Variants in ANO4 observed in about 807,000 individuals in gnomAD.
The protein encoded by ANO4 is anoctamin-4.
A neutral mutation model predicts 141.9 loss-of-function variants in ANO4; 69 were observed. The ratio of observed to expected loss-of-function variants is 0.49; its 90% CI spans 0.40 to 0.59. The LOEUF is 0.59. Ranked by LOEUF, ANO4 falls within the 20% of genes least tolerant of loss-of-function variation. The pLI, the probability that ANO4 is intolerant of heterozygous loss-of-function variation, is 0.00. For synonymous variants in ANO4, 350 were observed against 394.3 expected (o/e 0.89, Z 1.33); for missense variants, 894 against 1,162.2 (o/e 0.77, Z 3.36).
chr12:100,798,772 C>G (rs1218685742), intron 1 of ANO4, among the ~76,000 whole-genome samples: 1 of 152,208 alleles, frequency 6.6e-6, no homozygotes, highest in Non-Finnish European at 1.5e-5. Flanking sequence ...TCCAGTCAGG[C>G]TGTTTGCTCT....
intron 3 of ANO4, among the ~76,000 whole-genome samples, chr12:100,757,530 G>T (rs1163090807): frequency 1.3e-5 from 2 of 152,144 alleles, no homozygotes; most frequent in South Asian, 2.1e-4. Context: ...GATTGTGAAG[G>T]CCTTGGATAC....
At chr12:101,078,903 C>T (rs2049132384) in intron 14 of ANO4, among the ~76,000 whole-genome samples, 1 of 152,128 alleles carries the variant, frequency 6.6e-6, no homozygotes. Flanking sequence ...TCCTGACATC[C>T]CAGAATGTAA....
chr12:100,977,339 A>C (rs1592902207), intron 7 of ANO4, among the ~76,000 whole-genome samples: 1 of 151,992 alleles, frequency 6.6e-6, no homozygotes, highest in Admixed American at 6.6e-5. Context: ...CATTTTCTCC[A>C]TTTATATTCT....
chr12:100,757,955 A>G (rs10745894), intron 3 of ANO4, among the ~76,000 whole-genome samples: 44,180 of 152,034 alleles, frequency 0.29, 6,790 homozygotes, highest in Middle Eastern at 0.35. Flanking sequence ...TCCTTCAAGG[A>G]CTGTGGATTT....
At chr12:101,018,671 C>T (rs1003223087) in intron 8 of ANO4, among the ~76,000 whole-genome samples, 8 of 152,144 alleles carry the variant, frequency 5.3e-5, no homozygotes, top group African/African-American at 1.9e-4. Flanking sequence ...ATTACCATGA[C>T]CCTCACATAC....
chr12:100,830,594 A>G (rs1341537988), intron 1 of ANO4, among the ~76,000 whole-genome samples: 1 of 151,984 alleles, frequency 6.6e-6, no homozygotes, highest in Non-Finnish European at 1.5e-5. Flanking sequence ...ACAGCAGATG[A>G]ACTGCCCCGG....
At chr12:100,997,331 CAA>C (rs34066695) in intron 8 of ANO4, among the ~76,000 whole-genome samples, 10 of 75,918 alleles carry the variant, frequency 1.3e-4, no homozygotes, top group African/African-American at 1.8e-4. Context: ...GACTCTGTCT[CAA>C]AAAAAAAAAA....
intron 5 of ANO4, among the ~76,000 whole-genome samples, chr12:100,942,884 C>T (rs1173915864): frequency 6.6e-6 from 1 of 152,134 alleles, no homozygotes; most frequent in Non-Finnish European, 1.5e-5. Flanking sequence ...GAGTGAAATC[C>T]AGTCACTCTC....
intron 9 of ANO4, among the ~76,000 whole-genome samples, chr12:101,034,745 A>G (rs1348753671): frequency 6.6e-6 from 1 of 152,234 alleles, no homozygotes. Context: ...CAAAAATCTT[A>G]TTGAGCATAA....
intron 2 of ANO4, among the ~76,000 whole-genome samples, chr12:100,910,284 A>G (rs1593724822): frequency 6.6e-6 from 1 of 152,138 alleles, no homozygotes; most frequent in South Asian, 2.1e-4. Context: ...GAAAGTACCT[A>G]TGCCTCAGAA....
At chr12:100,807,559 A>G (rs2135690555) in intron 1 of ANO4, among the ~76,000 whole-genome samples, 1 of 152,262 alleles carries the variant, frequency 6.6e-6, no homozygotes, top group East Asian at 1.9e-4. Flanking sequence ...AGCTTAATCT[A>G]GGGAGAGTGT....
chr12:100,727,578 TACAA>T (rs2031185494), intron 1 of ANO4, among the ~76,000 whole-genome samples: 1 of 152,206 alleles, frequency 6.6e-6, no homozygotes, highest in African/African-American at 2.4e-5. Flanking sequence ...ATGTTTCTCT[TACAA>T]ACAGCATTTA....
intron 1 of ANO4, among the ~76,000 whole-genome samples, chr12:100,886,396 C>CA (rs2135973602): frequency 6.6e-6 from 1 of 152,196 alleles, no homozygotes; most frequent in East Asian, 1.9e-4. Flanking sequence ...TCAGTCTCAA[C>CA]AACCAGTCAC....
intron 5 of ANO4, among the ~76,000 whole-genome samples, chr12:100,952,855 G>A (rs1042799293): frequency 1.3e-5 from 2 of 152,102 alleles, no homozygotes; most frequent in Non-Finnish European, 2.9e-5. Context: ...CATTTCTGTT[G>A]CCAGGTCAAG....
Position 101,074,105 on chromosome 12 carries a change from A to G in ANO4, c.1313-5088A>G, listed in dbSNP as rs1478948744. Among the ~76,000 whole-genome samples, 3 of 152,236 alleles carry G rather than the reference A, an allele frequency of 2.0e-5. No individual in the cohort carries two copies. The East Asian group carries it at 5.8e-4, about 29-fold the overall frequency. ...CCTTCAATGCAATGTCTTAGTGACC[A>G]GGTGACTTCATCTCCATTAAGGTAA... On this transcript the variant is annotated intron_variant, in intron 14 of 27. Transcript: ENST00000392977.
intron 2 of ANO4, among the ~76,000 whole-genome samples, chr12:100,907,551 G>A (rs1321757256): frequency 6.6e-6 from 1 of 152,102 alleles, no homozygotes; most frequent in Non-Finnish European, 1.5e-5. Flanking sequence ...TGTATCTTCC[G>A]TCACTCCTAA....
At chr12:100,915,044 C>T (rs1046268253) in intron 2 of ANO4, among the ~76,000 whole-genome samples, 1 of 151,880 alleles carries the variant, frequency 6.6e-6, no homozygotes, top group African/African-American at 2.4e-5. Flanking sequence ...AGGTCTTGAA[C>T]TTCTGGTCTC....
At chr12:100,941,957 AATTATTATT>A (rs138288410) in intron 4 of ANO4, among the ~76,000 whole-genome samples, 31,937 of 143,052 alleles carry the variant, frequency 0.22, 4,143 homozygotes, top group South Asian at 0.4. Context: ...CAATGAAAAA[AATTATTATT>A]ATTATTATTA....
At chr12:100,887,675 A>G (rs1021467995) in intron 1 of ANO4, among the ~76,000 whole-genome samples, 4 of 152,226 alleles carry the variant, frequency 2.6e-5, no homozygotes, top group African/African-American at 9.6e-5. Context: ...TAATTTCTGA[A>G]TCCTCAGTGT....
Sources: gnomAD v4.1 joint callset for allele counts (sites outside exome capture counted in the v4.1 genomes callset) on GRCh38, gnomAD v4.1.1 for gene constraint, MANE v1.5 for transcripts, NCBI Gene and HGNC (gene_info 2026-07-23, HGNC 2026-07-21) for gene names.